HTR1F: variants seen among roughly 807,000 people sequenced by gnomAD.
HTR1F encodes 5-hydroxytryptamine receptor 1F, also known as 5-hydroxytryptamine (serotonin) receptor 1F, G protein-coupled.
A neutral mutation model predicts 24.0 loss-of-function variants in HTR1F; 17 were observed. That is an observed-to-expected ratio of 0.71 (90% CI 0.48 to 1.06). The LOEUF (loss-of-function observed/expected upper bound fraction) is 1.06, where lower values mean the gene tolerates loss of function less well. Ranked by LOEUF, HTR1F falls within the 50% of genes least tolerant of loss-of-function variation. The probability of loss-of-function intolerance (pLI) is 0.00; values close to 1 mark genes in which losing one functional copy is unlikely to be tolerated. For missense variants in HTR1F, 391 were observed against 427.8 expected, an observed-to-expected ratio of 0.91 and a Z score of 0.76; for synonymous variants, 186 against 156.8, an observed-to-expected ratio of 1.19 and a Z score of -1.39.
At chr3:87,983,912 C>A (rs1217470448) in intron 2 of HTR1F, among the ~76,000 whole-genome samples, 1 of 152,200 alleles carries the variant, frequency 6.6e-6, no homozygotes, top group Non-Finnish European at 1.5e-5. Context: ...TCAAGCTGTA[C>A]CTTGCCACCT....
chr3:87,891,284 A>G (rs1202302242), intron 2 of HTR1F, among the ~76,000 whole-genome samples: 1 of 148,850 alleles, frequency 6.7e-6, no homozygotes, highest in African/African-American at 2.5e-5. Flanking sequence ...ATATAAATTG[A>G]GTGTTTTTTG....
intron 1 of HTR1F, among the ~76,000 whole-genome samples, chr3:87,796,772 A>G (rs1703913038): frequency 6.6e-6 from 1 of 152,212 alleles, no homozygotes; most frequent in Admixed American, 6.5e-5. Flanking sequence ...ATTTCAGTCA[A>G]AATGGTGGTG....
intron 2 of HTR1F, among the ~76,000 whole-genome samples, chr3:87,843,182 A>T (rs1704847183): frequency 6.6e-6 from 1 of 151,962 alleles, no homozygotes; most frequent in African/African-American, 2.4e-5. Context: ...AAAAATATTA[A>T]TAAAAGCAAA....
intron 2 of HTR1F, among the ~76,000 whole-genome samples, chr3:87,904,967 C>T (rs1345899587): frequency 1.3e-5 from 2 of 151,894 alleles, no homozygotes; most frequent in African/African-American, 2.4e-5. Flanking sequence ...AAAAGCTGTG[C>T]AGTGATGAAT....
intron 2 of HTR1F, among the ~76,000 whole-genome samples, chr3:87,937,277 C>G (rs1408055876): frequency 6.6e-6 from 1 of 152,060 alleles, no homozygotes; most frequent in African/African-American, 2.4e-5. Context: ...ACACCGTGAT[C>G]AAGTAGGCTT....
rs182831466 is a variant in HTR1F, at chr3:87,937,645, C to T, written c.-42-53063C>T. Among the ~76,000 whole-genome samples, 645 of 152,036 alleles carry T rather than the reference C, an allele frequency of 4.2e-3. 2 individuals are homozygous for T. The highest frequency in any genetic ancestry group is 6.6e-3 in the Non-Finnish European group (447 of 67,928). The stretch of plus-strand genomic sequence containing the variant: ...ATCAGGTAAAAGAAAGAAATAGGGC[C>T]AGGCGCAGTGGCTCACGCCTGTAAT... On this transcript the variant is annotated intron_variant, in intron 2 of 2. Transcript: ENST00000319595.
intron 2 of HTR1F, among the ~76,000 whole-genome samples, chr3:87,904,565 T>G (rs1270249173): frequency 6.6e-6 from 1 of 152,014 alleles, no homozygotes; most frequent in Non-Finnish European, 1.5e-5. Context: ...TATTATTTCA[T>G]GCAACAATAT....
chr3:87,833,022 C>G (rs918542109), intron 2 of HTR1F, among the ~76,000 whole-genome samples: 1 of 152,208 alleles, frequency 6.6e-6, no homozygotes, highest in East Asian at 1.9e-4. Context: ...AGGGTCTTAA[C>G]AACACCTTTC....
chr3:87,991,011 A>C lies in HTR1F; in HGVS notation c.262A>C (p.Ser88Arg), dbSNP rs1705811145. The C allele has an allele frequency of 6.2e-7, 1 of 1,614,018 alleles. No individual in the cohort carries two copies. Among genetic ancestry groups the C allele is most frequent in the Admixed American group, 1.7e-5 (1 of 59,994 alleles). Residue 88 changes from serine (S) to arginine (R), a missense_variant, in exon 3 of 3, where the codon AGC becomes CGC. Physicochemically the swap from Ser to Arg is moderately radical, Grantham distance 110 (BLOSUM62 -1). Transcript: ENST00000319595. ...PFSIVYIVRESWIMGQVVCDI... is the reference protein window; with the variant it reads ...PFSIVYIVRERWIMGQVVCDI... ...CAGCATTGTGTATATTGTGAGAGAG[A>C]GCTGGATTATGGGGCAAGTGGTCTG...
At chr3:87,980,325 C>T (rs1705513220) in intron 2 of HTR1F, among the ~76,000 whole-genome samples, 1 of 152,186 alleles carries the variant, frequency 6.6e-6, no homozygotes, top group African/African-American at 2.4e-5. Flanking sequence ...TACCTGTAGT[C>T]AGGTCATCCC....
At chr3:87,917,262 G>A (rs1703914032) in intron 2 of HTR1F, among the ~76,000 whole-genome samples, 1 of 151,608 alleles carries the variant, frequency 6.6e-6, no homozygotes, top group Non-Finnish European at 1.5e-5. Flanking sequence ...CAAAAAGTCT[G>A]AAAGAGCACA....
intron 1 of HTR1F, among the ~76,000 whole-genome samples, chr3:87,803,458 A>G (rs1284211784): frequency 6.6e-6 from 1 of 152,148 alleles, no homozygotes; most frequent in Non-Finnish European, 1.5e-5. Context: ...AAATCTATCC[A>G]GATTGATGCA....
At chr3:87,905,976 G>A (rs114913905) in intron 2 of HTR1F, among the ~76,000 whole-genome samples, 148 of 152,130 alleles carry the variant, frequency 9.7e-4, no homozygotes, top group African/African-American at 3.5e-3. Flanking sequence ...GGGACTTTAG[G>A]ATGGCTGGCA....
intron 2 of HTR1F, among the ~76,000 whole-genome samples, chr3:87,900,364 G>C (rs1003190821): frequency 6.6e-6 from 1 of 152,204 alleles, no homozygotes; most frequent in African/African-American, 2.4e-5. Flanking sequence ...GGCCCATGTA[G>C]CTGGAGCTGA....
chr3:87,841,627 C>T lies in HTR1F; in HGVS notation c.-43+19503C>T, dbSNP rs186476398. ...AACTAAACTAACATAGGGCTGGGTG[C>T]GGTGGCTCACGTCTGTAATCCCAGC... On this transcript the variant is annotated intron_variant, in intron 2 of 2. Coordinates refer to ENST00000319595, the MANE Select transcript of HTR1F (RefSeq NM_001322209.2). Among the ~76,000 whole-genome samples the T allele has an allele frequency of 1.8e-3, 272 of 151,734 alleles. 2 individuals are homozygous for T. The highest frequency in any genetic ancestry group is 2.7e-3 in the Non-Finnish European group (183 of 67,960).
At chr3:87,937,120 A>G (rs1291059410) in intron 2 of HTR1F, among the ~76,000 whole-genome samples, 1 of 147,804 alleles carries the variant, frequency 6.8e-6, no homozygotes, top group African/African-American at 2.5e-5. Context: ...CTCCTCCCCA[A>G]CTCATTCTAT....
chr3:87,944,791 G>A (rs1260353810), intron 2 of HTR1F, among the ~76,000 whole-genome samples: 1 of 152,194 alleles, frequency 6.6e-6, no homozygotes, highest in African/African-American at 2.4e-5. Context: ...TAGCAAAGCA[G>A]TTGCCACTAC....
At chr3:87,946,653 ACT>A (rs1277505066) in intron 2 of HTR1F, among the ~76,000 whole-genome samples, 1 of 144,872 alleles carries the variant, frequency 6.9e-6, no homozygotes, top group Non-Finnish European at 1.5e-5. Flanking sequence ...AAACAGTCTC[ACT>A]CTGTCACCCA....
rs1236480371 is a variant in HTR1F, at chr3:87,993,583, TC to T, written c.*1735del. 2.4e-5 allele frequency: 4 copies of T among 166,906 alleles called. No homozygotes were observed. Among genetic ancestry groups the T allele is most frequent in the Non-Finnish European group, 4.4e-5 (3 of 68,106 alleles). The allele number at this position is 166,906 out of a possible 1,614,324, so 10.3% of individuals were successfully genotyped here. A position where few individuals can be genotyped will look rare whatever the true frequency, so the allele number is the denominator to read the frequency against. On this transcript the variant is annotated 3_prime_UTR_variant, in exon 3 of 3. Transcript: ENST00000319595. Reference sequence around the variant, plus strand: ...GGGCAAGAAAAATGGAAGAGCACACTCCAGGTTGTGACAACATCAGGATACA... The same window carrying T: ...GGGCAAGAAAAATGGAAGAGCACACTCAGGTTGTGACAACATCAGGATACA...
Sources: gnomAD v4.1 joint callset for allele counts (sites outside exome capture counted in the v4.1 genomes callset) on GRCh38, gnomAD v4.1.1 for gene constraint, MANE v1.5 for transcripts, NCBI Gene and HGNC (gene_info 2026-07-23, HGNC 2026-07-21) for gene names.